MET: variants seen among roughly 807,000 people sequenced by gnomAD.
The protein encoded by MET is MET proto-oncogene, receptor tyrosine kinase.
A neutral mutation model predicts 133.1 loss-of-function variants in MET; 48 were observed. The observed-to-expected ratio is 0.36, with a 90% CI of 0.29 to 0.46. The LOEUF (loss-of-function observed/expected upper bound fraction) is 0.46. Ranked by LOEUF, MET falls within the 20% of genes least tolerant of loss-of-function variation. The pLI, the probability that MET is intolerant of heterozygous loss-of-function variation, is 1.00. For synonymous variants in MET, 628 were observed against 616.5 expected (o/e 1.02, Z -0.28); for missense variants, 1,442 against 1,695.9 (o/e 0.85, Z 2.63).
At chr7:116,769,270 G>A (rs1268940780) in intron 11 of MET, among the ~76,000 whole-genome samples, 4 of 152,186 alleles carry the variant, frequency 2.6e-5, no homozygotes, top group Non-Finnish European at 1.5e-5. Flanking sequence ...GGCAGTGTTA[G>A]ATAGTGCAAC....
In MET at chr7:116,740,053, A is replaced by G. The variant is rs1253878709; in HGVS notation, c.1496A>G (p.Asn499Ser). The change falls in exon 4 of 21, where the codon AAT becomes AGT. Residue 499 changes from asparagine to serine, a missense_variant. Asn to Ser is a conservative substitution (Grantham distance 46). This residue lies in a region of MET where 762 missense variants were observed against 792.4 expected (regional missense o/e 0.96). Transcript: ENST00000397752. ...ATTGTGGAGCATACATTAAACCAAAATGGCTACACACTGGTTATCACTGGG... is the reference window on the plus strand; with the variant it reads ...ATTGTGGAGCATACATTAAACCAAAGTGGCTACACACTGGTTATCACTGGG... ...EVIVEHTLNQ[N>S]GYTLVITGKK... 6.2e-7 allele frequency: 1 copy of G among 1,614,160 alleles called. No individual in the cohort carries two copies. The highest frequency in any genetic ancestry group is 1.7e-5 in the Admixed American group (1 of 60,028).
intron 5 of MET, among the ~76,000 whole-genome samples, chr7:116,747,116 G>T (rs1411241079): frequency 1.3e-5 from 2 of 151,988 alleles, no homozygotes; most frequent in African/African-American, 4.8e-5. Context: ...CATCAGGCCT[G>T]TCTTACAAGA....
chr7:116,747,316 A>G (rs542851962), intron 5 of MET, among the ~76,000 whole-genome samples: 9 of 152,346 alleles, frequency 5.9e-5, no homozygotes, highest in Non-Finnish European at 1.3e-4. Flanking sequence ...GCCCCAATTA[A>G]AAGACACAGA....
rs534379730 is a variant in MET, at chr7:116,720,161, T to G, written c.1201-11507T>G. Among the ~76,000 whole-genome samples the G allele has an allele frequency of 1.7e-3, 252 of 151,798 alleles. 2 individuals are homozygous for G. The highest frequency in any genetic ancestry group is 5.8e-3 in the African/African-American group (239 of 41,346). ...TTGTTTGTATCCTCTTTTATTTCCT[T>G]GAGCAGTGGTTTGTAGTTCTCCTTG... On this transcript the variant is annotated intron_variant, in intron 2 of 20. Transcript: ENST00000397752.
chr7:116,680,676 T>G (rs1320167135), intron 1 of MET, among the ~76,000 whole-genome samples: 1 of 152,122 alleles, frequency 6.6e-6, no homozygotes, highest in Non-Finnish European at 1.5e-5. Context: ...GCACAGTGGC[T>G]CACGCTTGTA....
intron 19 of MET, among the ~76,000 whole-genome samples, chr7:116,795,450 A>G (rs34858087): frequency 2.1e-3 from 320 of 152,364 alleles, no homozygotes; most frequent in African/African-American, 7.1e-3. Flanking sequence ...AGAAAACTTT[A>G]CATTTACTTA....
At chr7:116,694,289 A>G (rs777280338) in intron 1 of MET, among the ~76,000 whole-genome samples, 18 of 152,198 alleles carry the variant, frequency 1.2e-4, no homozygotes, top group Admixed American at 7.9e-4. Flanking sequence ...CTGAGGTTTA[A>G]ACAGAAACCT....
In MET at chr7:116,795,931, G is replaced by A. The variant is rs1443741792; in HGVS notation, c.3980G>A (p.Arg1327His). 10 of 1,614,008 alleles carry A rather than the reference G, an allele frequency of 6.2e-6. No homozygotes were observed. Among genetic ancestry groups the A allele is most frequent in the East Asian group, 2.2e-5 (1 of 44,888 alleles). ...LKCWHPKAEM[R>H]PSFSELVSRI... is the part of the protein sequence containing the mutation. Reference sequence around the variant, plus strand: ...TGCTGGCACCCTAAAGCCGAAATGCGCCCATCCTTTTCTGAACTGGTGTCC... The same window carrying A: ...TGCTGGCACCCTAAAGCCGAAATGCACCCATCCTTTTCTGAACTGGTGTCC... The change falls in exon 21 of 21, where the codon CGC (arginine) becomes CAC (histidine). Residue 1327 changes from arginine to histidine, a missense_variant. Around this residue, in one of 6 missense-constraint regions of MET, gnomAD observed 94 missense variants for 109.5 expected, o/e 0.86. Transcript: ENST00000397752.
intron 3 of MET, among the ~76,000 whole-genome samples, chr7:116,734,173 A>G (rs1218585805): frequency 1.3e-5 from 2 of 152,206 alleles, no homozygotes; most frequent in African/African-American, 2.4e-5. Flanking sequence ...AGTTTCTACA[A>G]CTCGTGTTTT....
chr7:116,697,838 A>G (rs1797018756), intron 1 of MET, among the ~76,000 whole-genome samples: 1 of 152,126 alleles, frequency 6.6e-6, no homozygotes, highest in Non-Finnish European at 1.5e-5. Context: ...TATGCAGGGT[A>G]TTGTAATACC....
chr7:116,759,967 A>T (rs148475572), intron 10 of MET, among the ~76,000 whole-genome samples: 6,766 of 152,042 alleles, frequency 0.045, 191 homozygotes, highest in African/African-American at 0.069. Flanking sequence ...GGTAGAGACG[A>T]GGTTTCACCA....
chr7:116,796,237 G>A lies in MET; in HGVS notation c.*113G>A. ...CTCTTGCCAAAATTGCACTATTATAGGACTTGTATTGTTATTTAAATTACT... is the reference window on the plus strand; with the variant it reads ...CTCTTGCCAAAATTGCACTATTATAAGACTTGTATTGTTATTTAAATTACT... On this transcript the variant is annotated 3_prime_UTR_variant, in exon 21 of 21. Coordinates refer to ENST00000397752, the MANE Select transcript of MET (RefSeq NM_000245.4). 1 of 927,624 alleles carries A rather than the reference G, an allele frequency of 1.1e-6. No individual in the cohort carries two copies. The highest frequency in any genetic ancestry group is 2.8e-4 in the Middle Eastern group (1 of 3,604). 57.5% of individuals were successfully genotyped at this position (927,624 alleles called of 1,614,324 possible).
Position 116,746,515 on chromosome 7 carries a change from GAC to G in MET, c.1701+5491_1701+5492del, listed in dbSNP as rs1389151480. 2.0e-5 allele frequency among the ~76,000 whole-genome samples: 3 copies of G among 152,168 alleles called. No individual in the cohort carries two copies. The South Asian group carries it at 6.2e-4, about 32-fold the overall frequency. ...TTGCAGCACTATTCAGAATAGCAAA[GAC>G]TTGGAACCAACCCAAATGTCCAACA... On this transcript the variant is annotated intron_variant, in intron 5 of 20. Coordinates refer to ENST00000397752, the MANE Select transcript of MET (RefSeq NM_000245.4).
chr7:116,682,272 A>G (rs1796389460), intron 1 of MET, among the ~76,000 whole-genome samples: 1 of 152,232 alleles, frequency 6.6e-6, no homozygotes, highest in Admixed American at 6.5e-5. Context: ...ATTATTAAAG[A>G]TATTAGACGA....
intron 10 of MET, among the ~76,000 whole-genome samples, chr7:116,761,559 C>G (rs948459755): frequency 6.6e-6 from 1 of 152,018 alleles, no homozygotes. Flanking sequence ...AACTTGAATC[C>G]TTTCAAAACA....
Position 116,734,759 on chromosome 7 carries a change from C to T in MET, c.1392+2900C>T, listed in dbSNP as rs1303163189. On this transcript the variant is annotated intron_variant, in intron 3 of 20. Transcript: ENST00000397752. Reference sequence around the variant, plus strand: ...TGAACAATGAGAACGTGCCTTCTTACAGACTGGGGAAGGAGATGTAGAACA... The same window carrying T: ...TGAACAATGAGAACGTGCCTTCTTATAGACTGGGGAAGGAGATGTAGAACA... Among the ~76,000 whole-genome samples, 3 of 152,296 alleles carry T rather than the reference C, an allele frequency of 2.0e-5. No individual in the cohort carries two copies. In the East Asian group the frequency reaches 5.8e-4, roughly 29 times the overall value.
chr7:116,762,953 A>G, intron 10 of MET, 97 bp from the exon 11 acceptor site: 1 of 1,040,926 alleles, frequency 9.6e-7, no homozygotes, highest in Non-Finnish European at 1.5e-6. Flanking sequence ...TTCAAAAATT[A>G]TATATTTTCA....
At chr7:116,748,857 G>C (rs531653399) in intron 5 of MET, among the ~76,000 whole-genome samples, 199 of 152,300 alleles carry the variant, frequency 1.3e-3, no homozygotes, top group African/African-American at 3.7e-3. Context: ...AAATCTAGAA[G>C]AAATGGATAA....
At chr7:116,730,572 G>A (rs973498404) in intron 2 of MET, among the ~76,000 whole-genome samples, 1 of 152,186 alleles carries the variant, frequency 6.6e-6, no homozygotes, top group African/African-American at 2.4e-5. Context: ...AGGTGGCTAG[G>A]ATGAAAATTG....
Sources: allele counts gnomAD v4.1 joint callset (sites outside exome capture counted in the v4.1 genomes callset), GRCh38; gene constraint gnomAD v4.1.1; regional missense constraint gnomAD v4.1.1; transcripts MANE v1.5; gene names NCBI Gene and HGNC (gene_info 2026-07-23, HGNC 2026-07-21).